The following CRTC3 variants were observed in gnomAD, a reference collection of about 807,000 sequenced individuals.
CRTC3 encodes CREB-regulated transcription coactivator 3.
CRTC3 carries 26 observed loss-of-function variants against 74.5 expected under a neutral mutation model. That is an observed-to-expected ratio of 0.35 (90% CI 0.26 to 0.48). CRTC3 has a LOEUF of 0.48. Among genes scored for constraint, CRTC3 ranks in the 20% least tolerant of loss-of-function variants. The pLI is 0.99. For missense variants in CRTC3, 760 were observed against 787.3 expected (o/e 0.97, Z 0.41); for synonymous variants, 377 against 325.8 (o/e 1.16, Z -1.69).
chr15:90,584,333 A>G (rs1043944381), intron 2 of CRTC3, among the ~76,000 whole-genome samples: 2 of 149,152 alleles, frequency 1.3e-5, no homozygotes, highest in Non-Finnish European at 3.0e-5. Flanking sequence ...CACCTCCTGG[A>G]TTCAAACAAT....
At chr15:90,553,956 G>T (rs1247991609) in intron 2 of CRTC3, among the ~76,000 whole-genome samples, 1 of 152,198 alleles carries the variant, frequency 6.6e-6, no homozygotes, top group African/African-American at 2.4e-5. Flanking sequence ...CTTTAGGGCA[G>T]TACAGAGGCT....
At chr15:90,623,088 G>C (rs949394881) in intron 9 of CRTC3, among the ~76,000 whole-genome samples, 3 of 152,070 alleles carry the variant, frequency 2.0e-5, no homozygotes, top group African/African-American at 7.3e-5. Flanking sequence ...TCTGGTCCTA[G>C]GGACACCGAG....
rs1969416335 is a variant in CRTC3 at position 90,640,925 on chromosome 15, C to T, written c.1549-172C>T. 1.2e-5 allele frequency: 7 copies of T among 599,792 alleles called. No individual in the cohort carries two copies. In the East Asian group the frequency reaches 2.0e-4, roughly 17 times the overall value. The allele number at this position is 599,792 out of a possible 1,614,324, so 37.2% of individuals were successfully genotyped here. A position where few individuals can be genotyped will look rare whatever the true frequency, so the allele number is the denominator to read the frequency against. On this transcript the variant is annotated intron_variant, in intron 13 of 14. Transcript: ENST00000268184. ...TCCACCCCAGCGTCTGCCTGCCTGA[C>T]AAGAATATTGTGCATGCATTACCAT... is the stretch of plus-strand genomic sequence containing the variant.
Position 90,642,378 on chromosome 15 carries a change from G to C in CRTC3, c.*238G>C. The C allele has an allele frequency of 1.8e-6, 1 of 552,800 alleles. No homozygotes were observed. Among genetic ancestry groups the C allele is most frequent in the Non-Finnish European group, 3.3e-6 (1 of 307,264 alleles). 34.2% of individuals were successfully genotyped at this position (552,800 alleles called of 1,614,324 possible). ...TCGTGTTGCAGCAGGCAGGCTGCTT[G>C]GAGCTTCCCATGAACTGGAAAGCTC... On this transcript the variant is annotated 3_prime_UTR_variant, in exon 15 of 15. Coordinates refer to ENST00000268184, the MANE Select transcript of CRTC3 (RefSeq NM_022769.5).
At chr15:90,546,551 A>G (rs1321065109) in intron 2 of CRTC3, among the ~76,000 whole-genome samples, 2 of 152,102 alleles carry the variant, frequency 1.3e-5, no homozygotes, top group African/African-American at 4.8e-5. Flanking sequence ...TGTTTTGCTT[A>G]TTTTCATTCC....
rs147910113 is a variant in CRTC3 at position 90,619,713 on chromosome 15, A to T, written c.700-28A>T. On this transcript the variant is annotated intron_variant, in intron 8 of 14. Coordinates refer to ENST00000268184, the MANE Select transcript of CRTC3 (RefSeq NM_022769.5). ...ACTTGAATTTGGCTTTACAGCGAGT[A>T]AGCCCAGCTTTCATTGTCTCTTCTC... The T allele has an allele frequency of 9.5e-3, 15,263 of 1,610,514 alleles. 88 individuals are homozygous for T. Among genetic ancestry groups the T allele is most frequent in the Non-Finnish European group, 0.012 (13,793 of 1,176,756 alleles).
intron 1 of CRTC3, among the ~76,000 whole-genome samples, chr15:90,533,032 C>T (rs1239017890): frequency 1.1e-4 from 13 of 119,366 alleles, no homozygotes; most frequent in Admixed American, 1.1e-4. Context: ...TTGCAGTGAG[C>T]CGGGATCGCA....
At chr15:90,549,375 G>A (rs1298909871) in intron 2 of CRTC3, among the ~76,000 whole-genome samples, 1 of 151,954 alleles carries the variant, frequency 6.6e-6, no homozygotes, top group African/African-American at 2.4e-5. Flanking sequence ...TAAAAAAGGA[G>A]AAATTGAATC....
intron 10 of CRTC3, 48 bp downstream of exon 10, chr15:90,626,041 G>T: frequency 1.4e-6 from 2 of 1,445,964 alleles, no homozygotes; most frequent in Non-Finnish European, 9.7e-7. Context: ...ATCATAGGTG[G>T]TCCCCACCCA....
At chr15:90,531,026 C>T (rs544895909) in intron 1 of CRTC3, among the ~76,000 whole-genome samples, 20 of 151,484 alleles carry the variant, frequency 1.3e-4, no homozygotes, top group Admixed American at 7.9e-4. Flanking sequence ...TGAATGCTGA[C>T]CTTGGAGGAC....
rs537404651 is a variant in CRTC3, at chr15:90,612,991, G to C, written c.578-1462G>C. ...AGGCAGACAGATTACCTGAGGTCAG[G>C]AGGTTAAGACCAGCCTGGCCATCAT... On this transcript the variant is annotated intron_variant, in intron 6 of 14. Coordinates refer to ENST00000268184, the MANE Select transcript of CRTC3 (RefSeq NM_022769.5). Among the ~76,000 whole-genome samples the C allele has an allele frequency of 2.0e-5, 3 of 152,230 alleles. No individual in the cohort carries two copies. In the South Asian group the frequency reaches 6.2e-4, roughly 32 times the overall value.
Position 90,625,890 on chromosome 15 carries a change from C to G in CRTC3, c.864C>G (p.Ala288=). 1 of 1,614,222 alleles carries G rather than the reference C, an allele frequency of 6.2e-7. No individual in the cohort carries two copies. Among genetic ancestry groups the G allele is most frequent in the African/African-American group, 1.3e-5 (1 of 75,050 alleles). The part of the protein sequence containing the change: ...TNLHYSTPLP[A]SLDTTDHHFG... ...TCCACTACTCGACACCCCTGCCAGC[C>G]TCCCTGGACACCACCGACCACCACT... Residue 288 remains alanine, a synonymous_variant, in exon 10 of 15, where the codon GCC becomes GCG. Coordinates refer to ENST00000268184, the MANE Select transcript of CRTC3 (RefSeq NM_022769.5).
intron 9 of CRTC3, 23 bp downstream of exon 9, chr15:90,619,813 G>A (rs774004767): frequency 2.1e-5 from 34 of 1,601,838 alleles, no homozygotes; most frequent in South Asian, 3.3e-5. Flanking sequence ...CTTTCTGTTC[G>A]TGTTTCAGGG....
At chr15:90,589,980 T>A (rs1967761730) in intron 2 of CRTC3, among the ~76,000 whole-genome samples, 1 of 151,140 alleles carries the variant, frequency 6.6e-6, no homozygotes, top group Non-Finnish European at 1.5e-5. Flanking sequence ...AGAGACTCCA[T>A]CTCAAAAAAT....
At chr15:90,592,115 AAAATC>A (rs1967814511) in intron 2 of CRTC3, among the ~76,000 whole-genome samples, 1 of 152,234 alleles carries the variant, frequency 6.6e-6, no homozygotes. Flanking sequence ...CCAAAATGAG[AAAATC>A]CATGTTTAAC....
chr15:90,599,689 A>G (rs1477576437), intron 3 of CRTC3, among the ~76,000 whole-genome samples: 1 of 152,162 alleles, frequency 6.6e-6, no homozygotes, highest in Non-Finnish European at 1.5e-5. Context: ...AATTTACTAT[A>G]TTTTCATGTT....
At chr15:90,574,208 G>A (rs922942920) in intron 2 of CRTC3, among the ~76,000 whole-genome samples, 3 of 152,164 alleles carry the variant, frequency 2.0e-5, no homozygotes, top group Non-Finnish European at 4.4e-5. Context: ...GCCGGGCGTG[G>A]TGGCTCACAC....
chr15:90,629,209 A>C, intron 10 of CRTC3, 25 bp from the exon 11 acceptor site: 2 of 1,594,832 alleles, frequency 1.3e-6, no homozygotes, highest in African/African-American at 1.3e-5. Flanking sequence ...AATTATAAGT[A>C]ACTTGTGAAT....
At chr15:90,568,900 A>G (rs942109658) in intron 2 of CRTC3, among the ~76,000 whole-genome samples, 4 of 152,200 alleles carry the variant, frequency 2.6e-5, no homozygotes, top group Non-Finnish European at 5.9e-5. Context: ...TTAGCAATAA[A>G]GTATTTTTAA....
Sources: gnomAD v4.1 joint callset for allele counts (sites outside exome capture counted in the v4.1 genomes callset) on GRCh38, gnomAD v4.1.1 for gene constraint, MANE v1.5 for transcripts, NCBI Gene and HGNC (gene_info 2026-07-23, HGNC 2026-07-21) for gene names.